SNX30: variants seen among roughly 807,000 people sequenced by gnomAD.
The protein encoded by SNX30 is sorting nexin family member 30.
In SNX30, 24 loss-of-function variants were observed where a neutral mutation model predicts 46.4. The observed-to-expected ratio is 0.52, with a 90% CI of 0.37 to 0.73. The LOEUF (loss-of-function observed/expected upper bound fraction) is 0.73, where lower values mean the gene tolerates loss of function less well. Among genes scored for constraint, SNX30 ranks in the 30% least tolerant of loss-of-function variants. The pLI, the probability that SNX30 is intolerant of heterozygous loss-of-function variation, is 0.00. For synonymous variants in SNX30, 189 were observed against 211.5 expected (o/e 0.89, Z 0.92); for missense variants, 533 against 555.7 (o/e 0.96, Z 0.41).
chr9:112,769,901 C>T (rs1471544625), intron 1 of SNX30, among the ~76,000 whole-genome samples: 1 of 152,090 alleles, frequency 6.6e-6, no homozygotes, highest in Non-Finnish European at 1.5e-5. Flanking sequence ...GAATTAGCCT[C>T]GGCTCTTCCC....
chr9:112,832,177 C>T (rs1335332972), intron 4 of SNX30, among the ~76,000 whole-genome samples: 2 of 152,082 alleles, frequency 1.3e-5, no homozygotes, highest in Non-Finnish European at 2.9e-5. Context: ...GAGGCTTTCC[C>T]CCCCTACAGG....
intron 1 of SNX30, among the ~76,000 whole-genome samples, chr9:112,793,797 G>GTTTTTTTT (rs200559435): frequency 4.4e-5 from 6 of 137,156 alleles, no homozygotes; most frequent in Non-Finnish European, 7.8e-5. Context: ...TACCTCCACT[G>GTTTTTTTT]TTTTTTGTTT....
At chr9:112,852,433 G>A (rs1456257639) in intron 7 of SNX30, among the ~76,000 whole-genome samples, 1 of 152,160 alleles carries the variant, frequency 6.6e-6, no homozygotes, top group African/African-American at 2.4e-5. Flanking sequence ...ATGATTTTAT[G>A]TAAGGGACTT....
At chr9:112,768,413 A>G (rs715666) in intron 1 of SNX30, among the ~76,000 whole-genome samples, 44,621 of 152,010 alleles carry the variant, frequency 0.29, 6,772 homozygotes, top group Admixed American at 0.35. Flanking sequence ...CCAGATACAG[A>G]GATTCAGAAT....
chr9:112,883,191 ACAG>A (rs927352820), downstream of SNX30, among the ~76,000 whole-genome samples: 1 of 152,186 alleles, frequency 6.6e-6, no homozygotes, highest in African/African-American at 2.4e-5. Flanking sequence ...GGGGAGTGAG[ACAG>A]CACGTGCAGA....
Position 112,804,773 on chromosome 9 carries a change from T to C in SNX30, c.157-3T>C. On this transcript the variant is annotated splice_polypyrimidine_tract_variant and splice_region_variant and intron_variant, in intron 1 of 8. Coordinates refer to ENST00000374232, the MANE Select transcript of SNX30 (RefSeq NM_001012994.2). Reference sequence around the variant, plus strand: ...ATTTTAAGGTGCTCTTTTCTTCTTTTAGGATCTCATTTTGCCCAACGGTGG... The same window carrying C: ...ATTTTAAGGTGCTCTTTTCTTCTTTCAGGATCTCATTTTGCCCAACGGTGG... 4.4e-6 allele frequency: 7 copies of C among 1,597,982 alleles called. No homozygotes were observed. Among genetic ancestry groups the C allele is most frequent in the Non-Finnish European group, 5.1e-6 (6 of 1,171,534 alleles).
Position 112,873,274 on chromosome 9 carries a change from C to G in SNX30, c.*4431C>G, listed in dbSNP as rs968083341. On this transcript the variant is annotated 3_prime_UTR_variant, in exon 9 of 9. Transcript: ENST00000374232. ...TAACAAACCAATAAGATATTTGTCT[C>G]CTATATAAACATTCTGTGTATTTAG... The G allele has an allele frequency of 6.6e-6, 1 of 152,090 alleles. No homozygotes were observed. Among genetic ancestry groups the G allele is most frequent in the African/African-American group, 2.4e-5 (1 of 41,396 alleles). The allele number at this position is 152,090 out of a possible 1,614,324, so 9.4% of individuals were successfully genotyped here.
intron 1 of SNX30, among the ~76,000 whole-genome samples, chr9:112,769,107 T>A (rs965832887): frequency 6.6e-6 from 1 of 152,204 alleles, no homozygotes; most frequent in Non-Finnish European, 1.5e-5. Context: ...TACAAACACC[T>A]GTGGAGGCAA....
chr9:112,776,509 G>A (rs1295004035), intron 1 of SNX30, among the ~76,000 whole-genome samples: 1 of 152,236 alleles, frequency 6.6e-6, no homozygotes, highest in African/African-American at 2.4e-5. Context: ...CCAGTCTGCA[G>A]ATGTGCGGAT....
chr9:112,768,350 G>A (rs1204731791), intron 1 of SNX30, among the ~76,000 whole-genome samples: 1 of 152,164 alleles, frequency 6.6e-6, no homozygotes, highest in Non-Finnish European at 1.5e-5. Flanking sequence ...ATAGGTGAGT[G>A]GCATTGACAT....
At chr9:112,787,818 A>G (rs1309395248) in intron 1 of SNX30, among the ~76,000 whole-genome samples, 1 of 150,434 alleles carries the variant, frequency 6.6e-6, no homozygotes, top group Non-Finnish European at 1.5e-5. Context: ...TTTTTTAAAG[A>G]TGGAGTCTCG....
At position 112,828,716 on chromosome 9, in the gene SNX30, G is replaced by T. The variant is rs550244965; in HGVS notation, c.460-2009G>T. Among the ~76,000 whole-genome samples the T allele has an allele frequency of 2.4e-4, 36 of 152,178 alleles. No individual in the cohort carries two copies. The South Asian group carries it at 7.5e-3, about 32-fold the overall frequency. Reference sequence around the variant, plus strand: ...TTGAGTGGTAGATTAATAAGTGCTGGTACTATTATTATGCTTTATGACTTT... The same window carrying T: ...TTGAGTGGTAGATTAATAAGTGCTGTTACTATTATTATGCTTTATGACTTT... On this transcript the variant is annotated intron_variant, in intron 3 of 8. Transcript: ENST00000374232.
chr9:112,795,717 G>A (rs1277781460), intron 1 of SNX30, among the ~76,000 whole-genome samples: 1 of 150,942 alleles, frequency 6.6e-6, no homozygotes, highest in Non-Finnish European at 1.5e-5. Flanking sequence ...GTCACTACCC[G>A]ACCTGGGGAG....
chr9:112,835,023 G>T (rs1840731090), intron 4 of SNX30, among the ~76,000 whole-genome samples: 1 of 152,116 alleles, frequency 6.6e-6, no homozygotes, highest in Admixed American at 6.6e-5. Flanking sequence ...AATGCGGAGG[G>T]GCTGTTGGGC....
intron 7 of SNX30, among the ~76,000 whole-genome samples, chr9:112,861,090 G>C (rs923152278): frequency 1.3e-5 from 2 of 152,200 alleles, no homozygotes; most frequent in Non-Finnish European, 2.9e-5. Context: ...AGAAACAAAG[G>C]CTTGCTGGGG....
rs5900016 is a variant in SNX30, at chr9:112,785,383, G to GT, written c.157-19376dup. 3.9e-4 allele frequency among the ~76,000 whole-genome samples: 49 copies of GT among 124,830 alleles called. 1 individual carries two copies. Among genetic ancestry groups the GT allele is most frequent in the Admixed American group, 6.5e-4 (8 of 12,368 alleles). The allele number at this position is 124,830 out of a possible 152,430, so 81.9% of individuals were successfully genotyped here. On this transcript the variant is annotated intron_variant, in intron 1 of 8. Coordinates refer to ENST00000374232, the MANE Select transcript of SNX30 (RefSeq NM_001012994.2). Reference sequence around the variant, plus strand: ...GGTGTGTACTACCATGCCTGGCTAAGTTTTTTTTTTTTTTTTTGGAGATAG... The same window carrying GT: ...GGTGTGTACTACCATGCCTGGCTAAGTTTTTTTTTTTTTTTTTTGGAGATAG...
intron 8 of SNX30, among the ~76,000 whole-genome samples, chr9:112,864,663 C>A (rs1046498891): frequency 6.6e-6 from 1 of 152,132 alleles, no homozygotes; most frequent in Non-Finnish European, 1.5e-5. Context: ...CTGGGCCTGG[C>A]ACTGGTTGCT....
chr9:112,879,816 G>A (rs376592293), downstream of SNX30: 20 of 1,612,498 alleles, frequency 1.2e-5, no homozygotes, highest in East Asian at 2.2e-5. Flanking sequence ...TATAGGCCAC[G>A]ATGCTGTAAG....
chr9:112,857,768 G>GCATC (rs1217152285), intron 7 of SNX30, among the ~76,000 whole-genome samples: 4 of 119,452 alleles, frequency 3.3e-5, no homozygotes, highest in South Asian at 2.9e-4. Context: ...ATGCATGCAT[G>GCATC]CATCCATCCA....
Sources: allele counts gnomAD v4.1 joint callset (sites outside exome capture counted in the v4.1 genomes callset), GRCh38; gene constraint gnomAD v4.1.1; transcripts MANE v1.5; gene names NCBI Gene and HGNC (gene_info 2026-07-23, HGNC 2026-07-21).